Variants in FAAH2 observed in about 807,000 individuals in gnomAD.
FAAH2 encodes fatty acid amide hydrolase 2, also known as fatty-acid amide hydrolase 2.
FAAH2 carries 60 observed loss-of-function variants against 36.9 expected under a neutral mutation model. That is an observed-to-expected ratio of 1.63 (90% CI 1.32 to 2.02). FAAH2 has a LOEUF of 2.02. FAAH2 is among the 30% of genes most tolerant of loss of function. The pLI, the probability that FAAH2 is intolerant of heterozygous loss-of-function variation, is 0.00. For missense variants in FAAH2, 689 were observed against 397.5 expected (o/e 1.73, Z -6.23); for synonymous variants, 214 against 143.8 (o/e 1.49, Z -3.49).
the FAAH2 span, among the ~76,000 whole-genome samples, chrX:57,126,300 A>G: frequency 8.9e-6 from 1 of 112,299 alleles, no homozygotes; most frequent in Non-Finnish European, 1.9e-5. Flanking sequence ...TTTAACTGTA[A>G]TAGACATCAA....
the FAAH2 span, among the ~76,000 whole-genome samples, chrX:57,181,585 C>A: frequency 9.0e-6 from 1 of 111,484 alleles, no homozygotes; most frequent in East Asian, 2.8e-4. Context: ...CAGGATGACA[C>A]AAACAAATGA....
intron 3 of FAAH2, among the ~76,000 whole-genome samples, chrX:57,321,068 A>C (rs1446466046): frequency 9.1e-6 from 1 of 110,035 alleles, no homozygotes; most frequent in Non-Finnish European, 1.9e-5. Context: ...TGAATCTAGG[A>C]GGCGGAGTTT....
chrX:57,402,386 A>G (rs1467076485), intron 7 of FAAH2, among the ~76,000 whole-genome samples: 1 of 111,588 alleles, frequency 9.0e-6, no homozygotes, highest in Admixed American at 9.5e-5. Flanking sequence ...TCCAAATTCC[A>G]CTTGCCTGAG....
chrX:57,266,851 C>T, the FAAH2 span, among the ~76,000 whole-genome samples: 2 of 112,514 alleles, frequency 1.8e-5, no homozygotes, highest in South Asian at 3.7e-4. Flanking sequence ...GAGCATCTGT[C>T]GTGGAGCAGG....
chrX:57,174,320 G>T, the FAAH2 span, among the ~76,000 whole-genome samples: 2 of 109,954 alleles, frequency 1.8e-5, no homozygotes, highest in Admixed American at 1.9e-4. Flanking sequence ...AGCTGTGTGT[G>T]TGCATATGTT....
chrX:57,259,043 C>T, the FAAH2 span, among the ~76,000 whole-genome samples: 675 of 110,836 alleles, frequency 6.1e-3, 4 homozygotes, highest in Non-Finnish European at 0.01. Context: ...ATCTAAACTA[C>T]AATGATATAT....
the FAAH2 span, among the ~76,000 whole-genome samples, chrX:57,265,995 G>A: frequency 8.9e-6 from 1 of 112,070 alleles, no homozygotes; most frequent in Non-Finnish European, 1.9e-5. Flanking sequence ...GTAGGGGTGG[G>A]CCGCCATCTT....
chrX:57,326,971 C>T (rs1216291954), intron 3 of FAAH2, among the ~76,000 whole-genome samples: 4 of 102,139 alleles, frequency 3.9e-5, no homozygotes, highest in Non-Finnish European at 5.9e-5. Flanking sequence ...TTTGCAGTGG[C>T]TGGTATCGGT....
the FAAH2 span, among the ~76,000 whole-genome samples, chrX:57,185,468 TTC>T: frequency 9.5e-6 from 1 of 105,271 alleles, no homozygotes; most frequent in East Asian, 3.0e-4. Context: ...CCACATTTTT[TTC>T]TCTGTCTCTC....
chrX:57,283,296 A>G (rs1313398401), upstream of FAAH2, among the ~76,000 whole-genome samples: 1 of 110,855 alleles, frequency 9.0e-6, no homozygotes, highest in Admixed American at 9.5e-5. Context: ...TCAGAAAAAA[A>G]CACAGAGTCA....
At chrX:57,383,069 C>T (rs1199396570) in intron 7 of FAAH2, among the ~76,000 whole-genome samples, 6 of 111,604 alleles carry the variant, frequency 5.4e-5, no homozygotes, top group African/African-American at 1.6e-4. Context: ...GAACCAAAGA[C>T]AAAAACCACA....
the FAAH2 span, among the ~76,000 whole-genome samples, chrX:57,271,440 G>A: frequency 8.9e-6 from 1 of 112,290 alleles, no homozygotes; most frequent in Non-Finnish European, 1.9e-5. Flanking sequence ...CTCCACAAGT[G>A]AGTCCCTGAC....
intron 7 of FAAH2, among the ~76,000 whole-genome samples, chrX:57,387,495 A>G (rs1421867014): frequency 1.8e-5 from 2 of 111,560 alleles, no homozygotes; most frequent in African/African-American, 6.5e-5. Flanking sequence ...GAGAAGACAA[A>G]CAGAAAATCC....
chrX:57,230,445 G>A, the FAAH2 span, among the ~76,000 whole-genome samples: 14 of 111,402 alleles, frequency 1.3e-4, no homozygotes, highest in East Asian at 3.9e-3. Flanking sequence ...AGGAATTCTG[G>A]GAAAGTCTCA....
At chrX:57,460,832 C>T (rs2056944991) in intron 10 of FAAH2, among the ~76,000 whole-genome samples, 1 of 111,794 alleles carries the variant, frequency 8.9e-6, no homozygotes, top group Admixed American at 9.5e-5. Context: ...GGGCTAAATG[C>T]CCCAATTAAA....
chrX:57,396,379 T>G (rs1216252385), intron 7 of FAAH2, among the ~76,000 whole-genome samples: 3 of 109,203 alleles, frequency 2.7e-5, no homozygotes, highest in Non-Finnish European at 3.8e-5. Flanking sequence ...TTTAGTGTTT[T>G]TTTTTTTTTT....
chrX:57,275,637 A>G, the FAAH2 span, among the ~76,000 whole-genome samples: 2 of 112,290 alleles, frequency 1.8e-5, no homozygotes, highest in East Asian at 5.6e-4. Flanking sequence ...GGCAAATTGG[A>G]TAGAGTCGAG....
the FAAH2 span, among the ~76,000 whole-genome samples, chrX:57,248,932 T>A: frequency 4.1e-3 from 446 of 108,817 alleles, 3 homozygotes; most frequent in African/African-American, 0.014. Flanking sequence ...ATTCCCTTAT[T>A]TGGGCTTCAC....
At chrX:57,466,068 A>G (rs764236772) in intron 10 of FAAH2, among the ~76,000 whole-genome samples, 301 of 106,611 alleles carry the variant, frequency 2.8e-3, no homozygotes, top group Middle Eastern at 0.01. Flanking sequence ...ACACACGCAC[A>G]CATAAAAACA....
Sources: allele counts gnomAD v4.1 joint callset (sites outside exome capture counted in the v4.1 genomes callset), GRCh38; gene constraint gnomAD v4.1.1; transcripts MANE v1.5; gene names NCBI Gene and HGNC (gene_info 2026-07-23, HGNC 2026-07-21).